Variants in SCNN1B observed in about 807,000 individuals in gnomAD.
SCNN1B encodes epithelial sodium channel subunit beta.
Under a neutral mutation model 65.3 loss-of-function variants are expected in SCNN1B, and 46 were observed. The observed-to-expected ratio is 0.70, with a 90% confidence interval of 0.56 to 0.90. The LOEUF is 0.90. Ranked by LOEUF, SCNN1B falls within the 40% of genes least tolerant of loss-of-function variation. SCNN1B has a pLI of 0.00. For missense variants in SCNN1B, 751 were observed against 830.5 expected (o/e 0.90, Z 1.18); for synonymous variants, 349 against 330.6 (o/e 1.06, Z -0.60).
chr16:23,361,183 C>T (rs1962547270), intron 4 of SCNN1B, among the ~76,000 whole-genome samples: 2 of 152,214 alleles, frequency 1.3e-5, no homozygotes, highest in East Asian at 1.9e-4. Flanking sequence ...GCTGCCATAG[C>T]CTCCCAAAGT....
chr16:23,368,949 A>G (rs1962727837), intron 5 of SCNN1B, among the ~76,000 whole-genome samples: 1 of 152,226 alleles, frequency 6.6e-6, no homozygotes, highest in African/African-American at 2.4e-5. Context: ...TACAGTATAT[A>G]TGATTCCAGT....
intron 4 of SCNN1B, among the ~76,000 whole-genome samples, chr16:23,360,154 T>C (rs573944844): frequency 1.3e-5 from 2 of 151,810 alleles, no homozygotes; most frequent in Non-Finnish European, 2.9e-5. Flanking sequence ...GCTGAGATCA[T>C]GCCACTGCAC....
At chr16:23,309,449 T>C (rs926495609) in intron 1 of SCNN1B, among the ~76,000 whole-genome samples, 1 of 149,346 alleles carries the variant, frequency 6.7e-6, no homozygotes, top group Non-Finnish European at 1.5e-5. Flanking sequence ...GACAGATAGA[T>C]AGCTAAAGAG....
chr16:23,380,110 C>T lies in SCNN1B; in HGVS notation c.1483C>T (p.Leu495Phe). The T allele has an allele frequency of 1.2e-6, 2 of 1,614,044 alleles. No individual in the cohort carries two copies. Among genetic ancestry groups the T allele is most frequent in the Non-Finnish European group, 1.7e-6 (2 of 1,179,932 alleles). ...ITLSRKGIVK[L>F]NIYFQEFNYR... The stretch of plus-strand genomic sequence containing the variant: ...CTCCTGCAGGAAGGGAATTGTCAAG[C>T]TCAACATCTACTTCCAAGAATTTAA... The change falls in exon 12 of 13, where the codon CTC (leucine) becomes TTC (phenylalanine). Residue 495 changes from leucine to phenylalanine, a missense_variant. Coordinates refer to ENST00000343070, the MANE Select transcript of SCNN1B (RefSeq NM_000336.3). This position sits in a 1 kb window ranked among gnomAD's most constrained non-coding sequence, Gnocchi z 5.4.
chr16:23,347,245 A>G (rs1488250914), intron 1 of SCNN1B, among the ~76,000 whole-genome samples: 7 of 152,108 alleles, frequency 4.6e-5, no homozygotes, highest in Non-Finnish European at 4.4e-5. Context: ...TTCTTCGCTT[A>G]ACATCTGTCT....
At chr16:23,301,369 AG>A (rs1224224309), upstream of SCNN1B, among the ~76,000 whole-genome samples, 16 of 148,824 alleles carry the variant, frequency 1.1e-4, no homozygotes, top group Middle Eastern at 3.4e-3. Flanking sequence ...CAAAAAAAAA[AG>A]AAAGAAAGAA....
intron 3 of SCNN1B, among the ~76,000 whole-genome samples, chr16:23,353,640 A>T (rs1962358349): frequency 6.6e-6 from 1 of 152,170 alleles, no homozygotes; most frequent in Non-Finnish European, 1.5e-5. Context: ...TGGAGTTGGG[A>T]GTGATGTCAG....
intron 4 of SCNN1B, among the ~76,000 whole-genome samples, chr16:23,364,736 A>G (rs1962614294): frequency 6.6e-6 from 1 of 152,200 alleles, no homozygotes; most frequent in Admixed American, 6.5e-5. Context: ...CACACATGTA[A>G]TCTCAGCACT....
intron 11 of SCNN1B, 136 bp downstream of exon 11, chr16:23,378,903 G>A: frequency 1.3e-6 from 1 of 786,434 alleles, no homozygotes; most frequent in Non-Finnish European, 2.1e-6. Context: ...TGAGGAGGAG[G>A]CACTAGGAGT....
chr16:23,298,611 G>A (rs1029839381), upstream of SCNN1B, among the ~76,000 whole-genome samples: 1 of 152,170 alleles, frequency 6.6e-6, no homozygotes, highest in African/African-American at 2.4e-5. Context: ...CCAGAGTCAA[G>A]TTTTGCCTAC....
intron 2 of SCNN1B, among the ~76,000 whole-genome samples, chr16:23,292,409 G>C (rs1037474633): frequency 6.6e-6 from 1 of 151,914 alleles, no homozygotes; most frequent in Non-Finnish European, 1.5e-5. Context: ...GTGTTAGTCA[G>C]GATGGTCTCG....
At chr16:23,287,499 C>T (rs763130723) in intron 2 of SCNN1B, among the ~76,000 whole-genome samples, 3 of 151,898 alleles carry the variant, frequency 2.0e-5, no homozygotes, top group Admixed American at 6.6e-5. Flanking sequence ...ATCATTTGAG[C>T]CTAGGAGTTC....
intron 1 of SCNN1B, among the ~76,000 whole-genome samples, chr16:23,323,133 G>T (rs1961622351): frequency 6.6e-6 from 1 of 152,074 alleles, no homozygotes; most frequent in South Asian, 2.1e-4. Context: ...GGGAGGCAGA[G>T]GTTGCAGTGA....
chr16:23,356,950 T>C (rs982019368), intron 4 of SCNN1B, among the ~76,000 whole-genome samples: 13 of 152,190 alleles, frequency 8.5e-5, no homozygotes, highest in African/African-American at 2.9e-4. Flanking sequence ...GGCCTGAGGA[T>C]GGGCAGGAAC....
At position 23,348,897 on chromosome 16, in the gene SCNN1B, G is replaced by A. The variant is rs763646515; in HGVS notation, c.298G>A (p.Ala100Thr). 2.5e-6 allele frequency: 4 copies of A among 1,614,180 alleles called. No homozygotes were observed. The highest frequency in any genetic ancestry group is 1.1e-5 in the South Asian group (1 of 91,082). ...CTTCCCTGCCGTCACCATCTGCAATGCTAGCCCCTTCAAGTAGGTGGCCCC... is the reference window on the plus strand; with the variant it reads ...CTTCCCTGCCGTCACCATCTGCAATACTAGCCCCTTCAAGTAGGTGGCCCC... ...MDFPAVTICNASPFKYSKIKH... is the reference protein window; with the variant it reads ...MDFPAVTICNTSPFKYSKIKH... The change falls in exon 2 of 13, where the codon GCT becomes ACT. Residue 100 changes from alanine (A) to threonine (T), a missense_variant. Coordinates refer to ENST00000343070, the MANE Select transcript of SCNN1B (RefSeq NM_000336.3). This position sits in a 1 kb window ranked among gnomAD's most constrained non-coding sequence, Gnocchi z 4.5.
At chr16:23,298,082 G>A (rs111257440), upstream of SCNN1B, among the ~76,000 whole-genome samples, 5 of 152,196 alleles carry the variant, frequency 3.3e-5, 1 homozygote, top group African/African-American at 1.2e-4. Flanking sequence ...GAAAGCAAAA[G>A]GACTGTCTTT....
chr16:23,333,112 AGGGAGGGAGGGAGGGAGGG>A (rs1961852604), intron 1 of SCNN1B, among the ~76,000 whole-genome samples: 1 of 85,538 alleles, frequency 1.2e-5, no homozygotes, highest in East Asian at 3.4e-4. Context: ...GAAGGAAGGG[AGGGAGGGAGGGAGGGAGGG>A]AGGGAGGAAG....
upstream of SCNN1B, among the ~76,000 whole-genome samples, chr16:23,302,080 G>T (rs1018197928): frequency 6.6e-6 from 1 of 152,124 alleles, no homozygotes; most frequent in Non-Finnish European, 1.5e-5. Flanking sequence ...GCGCATGTGG[G>T]TATCGCTGGT....
intron 1 of SCNN1B, among the ~76,000 whole-genome samples, chr16:23,307,261 T>C (rs1413381873): frequency 1.3e-5 from 2 of 150,828 alleles, no homozygotes; most frequent in African/African-American, 4.9e-5. Context: ...CAGCAACTGC[T>C]GCCGTTATTT....
Sources: gnomAD v4.1 joint callset for allele counts (sites outside exome capture counted in the v4.1 genomes callset) on GRCh38, gnomAD v4.1.1 for gene constraint, Gnocchi (gnomAD v3.1) non-coding constraint, MANE v1.5 for transcripts, NCBI Gene and HGNC (gene_info 2026-07-23, HGNC 2026-07-21) for gene names.